The following GNG2 variants were observed in gnomAD, a reference collection of about 807,000 sequenced individuals.
The protein encoded by GNG2 is G protein subunit gamma 2, also known as guanine nucleotide-binding protein G(I)/G(S)/G(O) subunit gamma-2.
In GNG2, 5 loss-of-function variants were observed where a neutral mutation model predicts 5.5. That is an observed-to-expected ratio of 0.91 (90% CI 0.48 to 1.92). The LOEUF (loss-of-function observed/expected upper bound fraction) is 1.92. Ranked by LOEUF, GNG2 falls within the 30% of genes most tolerant of loss-of-function variation. The probability of loss-of-function intolerance (pLI) is 0.01; values close to 1 mark genes in which losing one functional copy is unlikely to be tolerated. For synonymous variants in GNG2, 28 were observed against 32.0 expected, an observed-to-expected ratio of 0.88 and a Z score of 0.42; for missense variants, 55 against 88.4, an observed-to-expected ratio of 0.62 and a Z score of 1.52.
intron 2 of GNG2, among the ~76,000 whole-genome samples, chr14:51,837,344 C>T (rs560942904): frequency 1.1e-3 from 171 of 152,100 alleles, no homozygotes; most frequent in African/African-American, 4.0e-3. Context: ...TTGCCAGATA[C>T]AAAATTAAAA....
chr14:51,837,968 G>A lies in GNG2; in HGVS notation c.64+10161G>A, dbSNP rs529581131. 2.8e-3 allele frequency among the ~76,000 whole-genome samples: 427 copies of A among 152,128 alleles called. 2 individuals carry two copies. Among genetic ancestry groups the A allele is most frequent in the Non-Finnish European group, 5.0e-3 (338 of 67,986 alleles). The stretch of plus-strand genomic sequence containing the variant: ...ATACTGAGAGTTGTAAAATATCCTC[G>A]TCAGTAGTAAATAGGAAGTCAAACA... On this transcript the variant is annotated intron_variant, in intron 2 of 3. Coordinates refer to the GNG2 transcript ENST00000553432.
intron 1 of GNG2, among the ~76,000 whole-genome samples, chr14:51,875,713 A>G (rs1274472996): frequency 6.6e-6 from 1 of 150,730 alleles, no homozygotes; most frequent in Non-Finnish European, 1.5e-5. Flanking sequence ...ATATATTAGA[A>G]AAAACATATG....
chr14:51,903,555 GTTA>G (rs1216104398), intron 2 of GNG2, among the ~76,000 whole-genome samples: 6 of 152,214 alleles, frequency 3.9e-5, no homozygotes, highest in African/African-American at 1.4e-4. Flanking sequence ...CTGTTTTTGG[GTTA>G]TTGTATTATT....
At chr14:51,950,444 A>G (rs1273309717) in intron 2 of GNG2, among the ~76,000 whole-genome samples, 1 of 152,088 alleles carries the variant, frequency 6.6e-6, no homozygotes, top group Non-Finnish European at 1.5e-5. Flanking sequence ...TAAAGAAGGG[A>G]TGGGGAAGTA....
intron 2 of GNG2, 44 bp downstream of exon 2, chr14:51,877,701 C>G (rs1384443724): frequency 2.2e-6 from 1 of 447,166 alleles, no homozygotes; most frequent in Non-Finnish European, 4.5e-6. Context: ...TGAATTTAAC[C>G]AGAACTTAAA....
chr14:51,863,813 T>C (rs1024117053), intron 1 of GNG2, among the ~76,000 whole-genome samples: 1 of 152,242 alleles, frequency 6.6e-6, no homozygotes, highest in Non-Finnish European at 1.5e-5. Flanking sequence ...ACACTTAGCA[T>C]AATGTCTTTA....
chr14:51,852,890 A>G (rs1881973743), intron 2 of GNG2, among the ~76,000 whole-genome samples: 1 of 152,274 alleles, frequency 6.6e-6, no homozygotes, highest in South Asian at 2.1e-4. Context: ...CTTTCTACAT[A>G]TAGTGGGACT....
At chr14:51,873,858 T>A (rs1400547395) in intron 1 of GNG2, 1 of 152,272 alleles carries the variant, frequency 6.6e-6, no homozygotes, top group Non-Finnish European at 1.5e-5. Flanking sequence ...AAGCAAGATA[T>A]CTTTTCTCTG....
intron 2 of GNG2, among the ~76,000 whole-genome samples, chr14:51,902,685 A>G (rs999111044): frequency 6.6e-6 from 1 of 152,178 alleles, no homozygotes; most frequent in African/African-American, 2.4e-5. Context: ...TGAATCCAAG[A>G]GTTCAAGACC....
At chr14:51,912,726 C>G (rs142238833) in intron 2 of GNG2, among the ~76,000 whole-genome samples, 7 of 152,020 alleles carry the variant, frequency 4.6e-5, no homozygotes, top group Middle Eastern at 3.4e-3. Flanking sequence ...GTCAGTGATT[C>G]TAATATGAGG....
intron 3 of GNG2, chr14:51,952,013 G>A (rs1324452376): frequency 1.1e-5 from 7 of 648,580 alleles, no homozygotes; most frequent in Non-Finnish European, 5.5e-6. Flanking sequence ...AGAATCTCCT[G>A]GGGTATGATT....
chr14:51,942,934 T>G (rs1888429602), intron 2 of GNG2, among the ~76,000 whole-genome samples: 1 of 152,160 alleles, frequency 6.6e-6, no homozygotes, highest in African/African-American at 2.4e-5. Flanking sequence ...ACTCTAGCAC[T>G]ATCCAACCTT....
At chr14:51,962,769 G>C (rs1463532298) in intron 3 of GNG2, among the ~76,000 whole-genome samples, 1 of 152,200 alleles carries the variant, frequency 6.6e-6, no homozygotes, top group African/African-American at 2.4e-5. Context: ...GAATGTAGAA[G>C]AAGCTGTGTG....
chr14:51,943,385 A>T (rs1479300078), intron 2 of GNG2, among the ~76,000 whole-genome samples: 2 of 152,196 alleles, frequency 1.3e-5, no homozygotes, highest in Non-Finnish European at 2.9e-5. Flanking sequence ...TCTTAAAAAA[A>T]CTTCCGCACA....
chr14:51,935,591 T>G (rs138441717), intron 2 of GNG2, among the ~76,000 whole-genome samples: 1 of 152,210 alleles, frequency 6.6e-6, no homozygotes, highest in Non-Finnish European at 1.5e-5. Context: ...GAAAAGTGCA[T>G]CTAGCCAGGT....
intron 2 of GNG2, among the ~76,000 whole-genome samples, chr14:51,935,085 C>T (rs79564307): frequency 0.37 from 53,980 of 145,198 alleles, 11,282 homozygotes; most frequent in Non-Finnish European, 0.46. Flanking sequence ...AGTGCAGTGG[C>T]GCAATCTCGG....
chr14:51,882,500 C>A (rs1566662485), intron 2 of GNG2, among the ~76,000 whole-genome samples: 3 of 152,082 alleles, frequency 2.0e-5, no homozygotes, highest in Non-Finnish European at 4.4e-5. Flanking sequence ...TTAGGAAACC[C>A]TTGAAGGGTA....
At position 51,940,942 on chromosome 14, in the gene GNG2, T is replaced by C. The variant is rs370496906; in HGVS notation, c.-29-9708T>C. Among the ~76,000 whole-genome samples the C allele has an allele frequency of 5.3e-5, 8 of 152,148 alleles. No homozygotes were observed. In the East Asian group the frequency reaches 1.3e-3, roughly 26 times the overall value. ...ATTGATAAGTTCACTAGAGTTCTGT[T>C]TGTGAAAGCCCTTTAGAGGAATGGA... On this transcript the variant is annotated intron_variant, in intron 2 of 3. Coordinates refer to ENST00000556766, the MANE Select transcript of GNG2 (RefSeq NM_053064.5).
At chr14:51,959,654 T>C (rs1310584976) in intron 3 of GNG2, among the ~76,000 whole-genome samples, 2 of 133,746 alleles carry the variant, frequency 1.5e-5, no homozygotes, top group Non-Finnish European at 3.4e-5. Context: ...CACAGCATTC[T>C]GAGTGCTTCG....
Sources: gnomAD v4.1 joint callset for allele counts (sites outside exome capture counted in the v4.1 genomes callset) on GRCh38, gnomAD v4.1.1 for gene constraint, MANE v1.5 for transcripts, NCBI Gene and HGNC (gene_info 2026-07-23, HGNC 2026-07-21) for gene names.